ZMYM4: variants seen among roughly 807,000 people sequenced by gnomAD.
ZMYM4 encodes the protein zinc finger MYM-type containing 4, also known as zinc finger MYM-type protein 4.
A neutral mutation model predicts 183.2 loss-of-function variants in ZMYM4; 31 were observed. The observed-to-expected ratio is 0.17, with a 90% CI of 0.13 to 0.23. ZMYM4 has a LOEUF of 0.23. Ranked by LOEUF, ZMYM4 falls within the 10% of genes least tolerant of loss-of-function variation. ZMYM4 has a pLI of 1.00. For synonymous variants in ZMYM4, 592 were observed against 631.2 expected (o/e 0.94, Z 0.93); for missense variants, 1,273 against 1,840.3 (o/e 0.69, Z 5.64).
chr1:35,349,904 T>A (rs72659608), intron 2 of ZMYM4, among the ~76,000 whole-genome samples: 2,131 of 151,306 alleles, frequency 0.014, 21 homozygotes, highest in Non-Finnish European at 0.021. Context: ...CAAATCACAA[T>A]CACCTTGTTT....
chr1:35,342,417 T>C lies in ZMYM4; in HGVS notation c.86-16508T>C, dbSNP rs1570394452. 2.0e-5 allele frequency among the ~76,000 whole-genome samples: 3 copies of C among 152,278 alleles called. No individual in the cohort carries two copies. In the South Asian group the frequency reaches 6.2e-4, roughly 32 times the overall value. On this transcript the variant is annotated intron_variant, in intron 2 of 29. Transcript: ENST00000314607. ...TTCAAGCAATCCTCCTGCCTTGGCC[T>C]CCCAAAGTTCTGGGATTACACTGCT... is the stretch of plus-strand genomic sequence containing the variant.
chr1:35,400,942 T>G (rs1244597105), intron 23 of ZMYM4, among the ~76,000 whole-genome samples: 2 of 152,256 alleles, frequency 1.3e-5, no homozygotes, highest in Non-Finnish European at 2.9e-5. Context: ...CATGTCCCAG[T>G]AGTTGATTCC....
chr1:35,410,927 A>G (rs1422613170), intron 26 of ZMYM4, among the ~76,000 whole-genome samples: 1 of 151,960 alleles, frequency 6.6e-6, no homozygotes, highest in African/African-American at 2.4e-5. Context: ...TGAAGATTTA[A>G]TCCTCTTTTC....
rs1418144221 is a variant in ZMYM4, at chr1:35,389,687, G to A, written c.2437-261G>A. Among the ~76,000 whole-genome samples, 1 of 151,460 alleles carries A rather than the reference G, an allele frequency of 6.6e-6. No homozygotes were observed. The highest frequency in any genetic ancestry group is 6.6e-5 in the Admixed American group (1 of 15,200). On this transcript the variant is annotated intron_variant, in intron 14 of 29. Coordinates refer to ENST00000314607, the MANE Select transcript of ZMYM4 (RefSeq NM_005095.3). The surrounding 1 kb of genome is among the most constrained non-coding windows in gnomAD (Gnocchi z 4.0). ...GGAGAATTGCATGAACCCAGGAGGTGGAGCTTGCAGTGAGCTGAGATCACG... is the reference window on the plus strand; with the variant it reads ...GGAGAATTGCATGAACCCAGGAGGTAGAGCTTGCAGTGAGCTGAGATCACG...
At chr1:35,372,511 A>G (rs962642371) in intron 7 of ZMYM4, among the ~76,000 whole-genome samples, 10 of 152,148 alleles carry the variant, frequency 6.6e-5, no homozygotes, top group African/African-American at 1.9e-4. Context: ...GTGAGAATAG[A>G]TATAAAATGT....
chr1:35,311,110 G>T (rs563615247), intron 1 of ZMYM4, among the ~76,000 whole-genome samples: 1 of 152,030 alleles, frequency 6.6e-6, no homozygotes, highest in Non-Finnish European at 1.5e-5. Context: ...CTATAGTTTT[G>T]TGTTTTTGAG....
intron 1 of ZMYM4, among the ~76,000 whole-genome samples, chr1:35,294,537 A>T (rs1429823505): frequency 1.3e-5 from 2 of 152,138 alleles, no homozygotes; most frequent in Non-Finnish European, 2.9e-5. Flanking sequence ...CTTAAATATG[A>T]TACTGGTATG....
intron 23 of ZMYM4, among the ~76,000 whole-genome samples, chr1:35,404,517 T>A (rs1309895833): frequency 6.6e-6 from 1 of 152,252 alleles, no homozygotes; most frequent in Non-Finnish European, 1.5e-5. Flanking sequence ...CATTTTCCTT[T>A]AAGTTCAAAA....
intron 26 of ZMYM4, among the ~76,000 whole-genome samples, chr1:35,408,823 G>A (rs571728525): frequency 2.0e-5 from 3 of 152,172 alleles, no homozygotes; most frequent in Non-Finnish European, 2.9e-5. Flanking sequence ...TTTAAAGTTT[G>A]CAATTCAGTA....
At position 35,286,772 on chromosome 1, in the gene ZMYM4, A is replaced by ATTTTT. The variant is rs71062872; in HGVS notation, c.39+17721_39+17725dup. 5.2e-4 allele frequency among the ~76,000 whole-genome samples: 24 copies of ATTTTT among 46,522 alleles called. 4 individuals are homozygous for ATTTTT. The highest frequency in any genetic ancestry group is 8.7e-4 in the Non-Finnish European group (20 of 22,876). The allele number at this position is 46,522 out of a possible 152,430, so 30.5% of individuals were successfully genotyped here. On this transcript the variant is annotated intron_variant, in intron 1 of 29. Transcript: ENST00000314607. ...ACCCTTGTGCCTGGCTATTTAAATA[A>ATTTTT]TTTTTTTTTTTTTTTTTTTTTTTTT...
intron 27 of ZMYM4, among the ~76,000 whole-genome samples, chr1:35,415,227 T>C (rs1178891788): frequency 2.6e-5 from 4 of 152,172 alleles, no homozygotes; most frequent in Non-Finnish European, 5.9e-5. Flanking sequence ...GCTTAACCCC[T>C]AATCTAAAAT....
intron 1 of ZMYM4, among the ~76,000 whole-genome samples, chr1:35,309,991 G>A (rs1200438432): frequency 6.7e-6 from 1 of 149,342 alleles, no homozygotes; most frequent in East Asian, 2.0e-4. Flanking sequence ...GTGCAATGGC[G>A]CGATCTCGGC....
intron 28 of ZMYM4, among the ~76,000 whole-genome samples, chr1:35,416,598 C>G (rs1390786066): frequency 4.6e-5 from 7 of 152,150 alleles, no homozygotes; most frequent in Non-Finnish European, 1.0e-4. Context: ...AAGTCTCACT[C>G]TGTCACCCAG....
At chr1:35,269,122 C>A (rs1298526091) in intron 1 of ZMYM4, 37 bp downstream of exon 1, 1 of 1,540,868 alleles carries the variant, frequency 6.5e-7, no homozygotes, top group Non-Finnish European at 8.8e-7. Context: ...CGGCGGGGGG[C>A]GGGGCGCGGC....
At chr1:35,340,775 C>T (rs912507018) in intron 2 of ZMYM4, among the ~76,000 whole-genome samples, 1 of 152,146 alleles carries the variant, frequency 6.6e-6, no homozygotes, top group Non-Finnish European at 1.5e-5. Context: ...GGATGCTGAC[C>T]TCCTGCTGTG....
chr1:35,286,753 G>A (rs558505774), intron 1 of ZMYM4, among the ~76,000 whole-genome samples: 15 of 118,394 alleles, frequency 1.3e-4, no homozygotes, highest in African/African-American at 4.6e-4. Flanking sequence ...CAATACCCTT[G>A]TGCCTGGCTA....
At chr1:35,280,529 C>T (rs770234128) in intron 1 of ZMYM4, among the ~76,000 whole-genome samples, 28 of 152,172 alleles carry the variant, frequency 1.8e-4, no homozygotes, top group Non-Finnish European at 3.5e-4. Flanking sequence ...GAAATTACCA[C>T]AAACTTGGTG....
chr1:35,344,551 G>T (rs183515108), intron 2 of ZMYM4, among the ~76,000 whole-genome samples: 13 of 151,900 alleles, frequency 8.6e-5, no homozygotes, highest in Non-Finnish European at 1.2e-4. Flanking sequence ...ATATTTTCAT[G>T]AATGAGTATT....
At chr1:35,308,789 G>T (rs904962733) in intron 1 of ZMYM4, among the ~76,000 whole-genome samples, 3 of 151,978 alleles carry the variant, frequency 2.0e-5, no homozygotes, top group African/African-American at 7.3e-5. Flanking sequence ...TGAACGTGGG[G>T]GGTGGAGGTT....
Sources: gnomAD v4.1 joint callset for allele counts (sites outside exome capture counted in the v4.1 genomes callset) on GRCh38, gnomAD v4.1.1 for gene constraint, Gnocchi (gnomAD v3.1) non-coding constraint, MANE v1.5 for transcripts, NCBI Gene and HGNC (gene_info 2026-07-23, HGNC 2026-07-21) for gene names.